Variants in GRID2 observed in about 807,000 individuals in gnomAD.
GRID2 encodes the protein glutamate ionotropic receptor delta type subunit 2.
In GRID2, 33 loss-of-function variants were observed where a neutral mutation model predicts 114.8. The ratio of observed to expected loss-of-function variants is 0.29; its 90% CI spans 0.22 to 0.38. The LOEUF (loss-of-function observed/expected upper bound fraction) is 0.38, where lower values mean the gene tolerates loss of function less well. GRID2 is among the 10% of genes least tolerant of loss of function. GRID2 has a pLI of 1.00. For synonymous variants in GRID2, 505 were observed against 449.9 expected, an observed-to-expected ratio of 1.12 and a Z score of -1.55; for missense variants, 1,184 against 1,257.7, an observed-to-expected ratio of 0.94 and a Z score of 0.89.
At chr4:93,034,020 C>T (rs1174540491) in intron 2 of GRID2, among the ~76,000 whole-genome samples, 2 of 152,178 alleles carry the variant, frequency 1.3e-5, no homozygotes, top group Non-Finnish European at 2.9e-5. Flanking sequence ...TCAGCTCTCC[C>T]TGAAGGGGGT....
At chr4:92,642,113 G>T (rs1487712475) in intron 2 of GRID2, among the ~76,000 whole-genome samples, 2 of 151,558 alleles carry the variant, frequency 1.3e-5, no homozygotes, top group Non-Finnish European at 2.9e-5. Flanking sequence ...ACATTTGGGT[G>T]CATGTATCTT....
intron 14 of GRID2, among the ~76,000 whole-genome samples, chr4:93,763,356 TC>T (rs908175387): frequency 6.6e-6 from 1 of 152,152 alleles, no homozygotes; most frequent in African/African-American, 2.4e-5. Flanking sequence ...TTTAGTTTTT[TC>T]CCCACTGCTC....
At chr4:92,988,129 T>A (rs1007657848) in intron 2 of GRID2, among the ~76,000 whole-genome samples, 1 of 152,164 alleles carries the variant, frequency 6.6e-6, no homozygotes, top group African/African-American at 2.4e-5. Context: ...TACCTTATAG[T>A]TTTTTTGAGT....
At chr4:92,703,708 A>G (rs1734797248) in intron 2 of GRID2, among the ~76,000 whole-genome samples, 2 of 151,278 alleles carry the variant, frequency 1.3e-5, no homozygotes, top group South Asian at 4.2e-4. Context: ...CTAGCACATG[A>G]TGCATTCCAT....
intron 2 of GRID2, among the ~76,000 whole-genome samples, chr4:92,932,397 A>G (rs1255024093): frequency 6.6e-6 from 1 of 151,286 alleles, no homozygotes; most frequent in Non-Finnish European, 1.5e-5. Flanking sequence ...ATGCACACAC[A>G]TTAACAATAC....
At chr4:92,744,114 C>G (rs1373763826) in intron 2 of GRID2, among the ~76,000 whole-genome samples, 1 of 152,010 alleles carries the variant, frequency 6.6e-6, no homozygotes, top group Admixed American at 6.6e-5. Flanking sequence ...ATTTTAAATG[C>G]ATGTTTACCC....
intron 2 of GRID2, among the ~76,000 whole-genome samples, chr4:92,741,671 C>T (rs1736900286): frequency 1.3e-5 from 2 of 152,144 alleles, no homozygotes; most frequent in African/African-American, 2.4e-5. Context: ...CCAACTCTAG[C>T]CTTAAAAGCA....
chr4:93,771,486 C>CAATTAGA (rs1578781290), intron 15 of GRID2, among the ~76,000 whole-genome samples: 1 of 152,160 alleles, frequency 6.6e-6, no homozygotes, highest in East Asian at 1.9e-4. Context: ...ATAAATCCCT[C>CAATTAGA]AATTAGAAAT....
At chr4:92,521,435 TAAATG>T (rs1724773195) in intron 1 of GRID2, among the ~76,000 whole-genome samples, 1 of 151,982 alleles carries the variant, frequency 6.6e-6, no homozygotes, top group African/African-American at 2.4e-5. Context: ...TTTGCTAAAA[TAAATG>T]AGTTATTAAA....
At chr4:93,530,545 C>T (rs1731344056) in intron 13 of GRID2, among the ~76,000 whole-genome samples, 3 of 152,066 alleles carry the variant, frequency 2.0e-5, no homozygotes, top group Admixed American at 6.6e-5. Context: ...TCTGTCTATT[C>T]GTTCTTCATT....
At chr4:92,320,484 CT>C (rs773058676) in intron 1 of GRID2, among the ~76,000 whole-genome samples, 1 of 151,210 alleles carries the variant, frequency 6.6e-6, no homozygotes, top group Non-Finnish European at 1.5e-5. Flanking sequence ...TTTTTTTTCT[CT>C]TTTTTTTGAG....
chr4:93,721,891 G>T (rs1729403440), intron 14 of GRID2, among the ~76,000 whole-genome samples: 1 of 149,218 alleles, frequency 6.7e-6, no homozygotes, highest in African/African-American at 2.5e-5. Flanking sequence ...TTGAAATCAA[G>T]AAAAAGAGGA....
intron 1 of GRID2, among the ~76,000 whole-genome samples, chr4:92,394,191 A>G (rs1730383887): frequency 6.6e-6 from 1 of 152,154 alleles, no homozygotes; most frequent in South Asian, 2.1e-4. Flanking sequence ...TTGTATTTGT[A>G]GTAATATCAA....
At chr4:92,319,358 T>C (rs1205541843) in intron 1 of GRID2, among the ~76,000 whole-genome samples, 1 of 152,188 alleles carries the variant, frequency 6.6e-6, no homozygotes, top group Non-Finnish European at 1.5e-5. Flanking sequence ...TTGCAGCCAA[T>C]TGAGCTTCAT....
chr4:92,985,285 G>A (rs1332811077), intron 2 of GRID2, among the ~76,000 whole-genome samples: 4 of 149,942 alleles, frequency 2.7e-5, no homozygotes, highest in Admixed American at 6.6e-5. Context: ...CTGCAGTGGC[G>A]CGATCTCAGC....
intron 2 of GRID2, among the ~76,000 whole-genome samples, chr4:92,703,617 T>TTATATATATATATATATA (rs3971001): frequency 7.1e-4 from 100 of 140,978 alleles, no homozygotes; most frequent in African/African-American, 2.4e-3. Context: ...AGGAAAAACA[T>TTATATATATATATATATA]TATATATATA....
chr4:92,418,717 C>T (rs533465427), intron 1 of GRID2, among the ~76,000 whole-genome samples: 1 of 151,978 alleles, frequency 6.6e-6, no homozygotes, highest in Non-Finnish European at 1.5e-5. Context: ...AAGTTTGGGT[C>T]TCCTCCTTCC....
chr4:92,514,609 A>C (rs905771375), intron 1 of GRID2, among the ~76,000 whole-genome samples: 13 of 151,942 alleles, frequency 8.6e-5, no homozygotes, highest in African/African-American at 3.1e-4. Context: ...TTTCACAATG[A>C]AGAATGATCA....
chr4:92,473,743 C>G (rs1243422616), intron 1 of GRID2, among the ~76,000 whole-genome samples: 2 of 151,962 alleles, frequency 1.3e-5, no homozygotes, highest in Non-Finnish European at 2.9e-5. Flanking sequence ...TAGTGTTGTT[C>G]AAGTCTTACT....
Sources: allele counts gnomAD v4.1 joint callset (sites outside exome capture counted in the v4.1 genomes callset), GRCh38; gene constraint gnomAD v4.1.1; transcripts MANE v1.5; gene names NCBI Gene and HGNC (gene_info 2026-07-23, HGNC 2026-07-21).